MAP3K13: variants seen among roughly 807,000 people sequenced by gnomAD.
MAP3K13 encodes the protein leucine zipper-bearing kinase.
MAP3K13 carries 52 observed loss-of-function variants against 104.0 expected under a neutral mutation model. The ratio of observed to expected loss-of-function variants is 0.50; its 90% CI spans 0.40 to 0.63. The LOEUF (loss-of-function observed/expected upper bound fraction) is 0.63, where lower values mean the gene tolerates loss of function less well. Among genes scored for constraint, MAP3K13 ranks in the 20% least tolerant of loss-of-function variants. The pLI is 0.00. For synonymous variants in MAP3K13, 394 were observed against 442.2 expected (o/e 0.89, Z 1.37); for missense variants, 914 against 1,218.5 (o/e 0.75, Z 3.72).
chr3:185,432,095 T>A (rs370437476), intron 2 of MAP3K13, among the ~76,000 whole-genome samples: 1 of 152,036 alleles, frequency 6.6e-6, no homozygotes, highest in African/African-American at 2.4e-5. Flanking sequence ...ATGTTTTACA[T>A]TGGAAATAAA....
intron 1 of MAP3K13, among the ~76,000 whole-genome samples, chr3:185,367,248 G>A (rs777883555): frequency 2.0e-5 from 3 of 152,172 alleles, no homozygotes; most frequent in Non-Finnish European, 4.4e-5. Context: ...CTGATGCCAT[G>A]CTTCCACCTC....
chr3:185,308,007 G>GACT (rs1721357237), intron 2 of MAP3K13, among the ~76,000 whole-genome samples: 1 of 59,408 alleles, frequency 1.7e-5, no homozygotes, highest in Non-Finnish European at 4.0e-5. Flanking sequence ...TTTCTTTGGG[G>GACT]TCTTTTTTTT....
chr3:185,347,229 C>A (rs1169535849), intron 2 of MAP3K13, among the ~76,000 whole-genome samples: 1 of 152,104 alleles, frequency 6.6e-6, no homozygotes, highest in Non-Finnish European at 1.5e-5. Context: ...TTATGATCCA[C>A]CCACCTCAGC....
At chr3:185,448,073 C>A in intron 5 of MAP3K13, 126 bp downstream of exon 5, 1 of 1,080,550 alleles carries the variant, frequency 9.3e-7, no homozygotes, top group Non-Finnish European at 1.4e-6. Context: ...TGGTTGATTT[C>A]AGCCTCATAT....
intron 2 of MAP3K13, among the ~76,000 whole-genome samples, chr3:185,313,051 G>C (rs1435874690): frequency 6.6e-6 from 1 of 151,970 alleles, no homozygotes; most frequent in African/African-American, 2.4e-5. Context: ...TTAGCCAGGC[G>C]TGGTGGTGTG....
At chr3:185,407,716 C>G (rs1713194177) in intron 1 of MAP3K13, among the ~76,000 whole-genome samples, 1 of 152,012 alleles carries the variant, frequency 6.6e-6, no homozygotes, top group Admixed American at 6.6e-5. Context: ...CACACCTTGC[C>G]CCTATTAATC....
chr3:185,396,977 A>T (rs1712460177), intron 1 of MAP3K13, among the ~76,000 whole-genome samples: 1 of 152,176 alleles, frequency 6.6e-6, no homozygotes, highest in Non-Finnish European at 1.5e-5. Context: ...ACATAACATC[A>T]AACATTTTCT....
intron 1 of MAP3K13, among the ~76,000 whole-genome samples, chr3:185,422,452 A>G (rs1577538833): frequency 6.6e-6 from 1 of 152,314 alleles, no homozygotes; most frequent in East Asian, 1.9e-4. Flanking sequence ...GATGACTGTG[A>G]TTAGACTCAT....
intron 2 of MAP3K13, among the ~76,000 whole-genome samples, chr3:185,301,440 A>T (rs1291802596): frequency 1.3e-5 from 2 of 151,936 alleles, no homozygotes; most frequent in Non-Finnish European, 2.9e-5. Context: ...CCTTTGCTGC[A>T]TGTAAGTTTG....
At chr3:185,439,932 A>G (rs779445109) in intron 3 of MAP3K13, among the ~76,000 whole-genome samples, 1 of 152,112 alleles carries the variant, frequency 6.6e-6, no homozygotes, top group African/African-American at 2.4e-5. Context: ...GTGCAGTGTT[A>G]TGTTTGCAGC....
At chr3:185,462,785 A>T (rs768757153) in intron 7 of MAP3K13, among the ~76,000 whole-genome samples, 4 of 152,212 alleles carry the variant, frequency 2.6e-5, no homozygotes, top group Non-Finnish European at 5.9e-5. Flanking sequence ...AAATAATAAT[A>T]AATAAATAAA....
intron 7 of MAP3K13, among the ~76,000 whole-genome samples, chr3:185,458,126 T>C (rs997081754): frequency 1.2e-4 from 18 of 152,186 alleles, no homozygotes; most frequent in African/African-American, 3.9e-4. Context: ...CCCAGCACTT[T>C]GGGAGACCGA....
Position 185,323,046 on chromosome 3 carries a change from A to C in MAP3K13, c.-86+37403A>C, listed in dbSNP as rs193134482. ...TTTTTAAAATGTTTGTTTATTGGGA[A>C]AAAAGTCTATCTATTGTTTTAATAA... On this transcript the variant is annotated intron_variant, in intron 2 of 14. Transcript: ENST00000424227. Among the ~76,000 whole-genome samples, 553 of 152,218 alleles carry C rather than the reference A, an allele frequency of 3.6e-3. 5 individuals carry two copies. Among genetic ancestry groups the C allele is most frequent in the African/African-American group, 0.013 (534 of 41,498 alleles).
chr3:185,383,116 G>T (rs1246952091), intron 1 of MAP3K13, among the ~76,000 whole-genome samples: 2 of 145,662 alleles, frequency 1.4e-5, no homozygotes, highest in African/African-American at 2.6e-5. Context: ...GCGGTGTTTG[G>T]TTTTTTTGTT....
rs866592968 is a variant in MAP3K13, at chr3:185,385,889, C to A, written c.-86+22521C>A. On this transcript the variant is annotated intron_variant, in intron 1 of 13. Coordinates refer to ENST00000265026, the MANE Select transcript of MAP3K13 (RefSeq NM_004721.5). ...GTGGTGGTGGGTGCCTATAGTCCAA[C>A]GTACTCAGGAGGCTGAGGCAGGAGA... 2.0e-4 allele frequency among the ~76,000 whole-genome samples: 31 copies of A among 151,988 alleles called. No individual in the cohort carries two copies. In the Middle Eastern group the frequency reaches 0.01, roughly 50 times the overall value.
At chr3:185,462,885 G>A (rs1717194816) in intron 7 of MAP3K13, among the ~76,000 whole-genome samples, 1 of 152,112 alleles carries the variant, frequency 6.6e-6, no homozygotes. Context: ...TTTACATTTT[G>A]AACAACTTCA....
chr3:185,398,587 A>G (rs556744138), intron 1 of MAP3K13, among the ~76,000 whole-genome samples: 159 of 152,306 alleles, frequency 1.0e-3, no homozygotes, highest in African/African-American at 3.7e-3. Flanking sequence ...TTCTTTTTAA[A>G]AAATTATTTA....
At chr3:185,395,357 C>CTTTTTTTTTTTTTTTTTTT (rs770336517) in intron 1 of MAP3K13, among the ~76,000 whole-genome samples, 7 of 69,978 alleles carry the variant, frequency 1.0e-4, no homozygotes, top group East Asian at 5.3e-4. Context: ...AATATTATTT[C>CTTTTTTTTTTTTTTTTTTT]TTTTTTTTTT....
intron 2 of MAP3K13, among the ~76,000 whole-genome samples, chr3:185,343,749 C>T (rs1477542090): frequency 6.6e-6 from 1 of 152,100 alleles, no homozygotes; most frequent in Non-Finnish European, 1.5e-5. Flanking sequence ...CTGCGCCTGG[C>T]TGGATATTTT....
Sources: gnomAD v4.1 joint callset for allele counts (sites outside exome capture counted in the v4.1 genomes callset) on GRCh38, gnomAD v4.1.1 for gene constraint, MANE v1.5 for transcripts, NCBI Gene and HGNC (gene_info 2026-07-23, HGNC 2026-07-21) for gene names.